Variants in CATSPER3 observed in about 807,000 individuals in gnomAD.
CATSPER3 encodes the protein cation channel sperm-associated protein 3.
A neutral mutation model predicts 36.6 loss-of-function variants in CATSPER3; 23 were observed. The ratio of observed to expected loss-of-function variants is 0.63; its 90% CI spans 0.45 to 0.89. The LOEUF (loss-of-function observed/expected upper bound fraction) is 0.89. CATSPER3 is among the 40% of genes least tolerant of loss of function. The pLI, the probability that CATSPER3 is intolerant of heterozygous loss-of-function variation, is 0.00. For missense variants in CATSPER3, 474 were observed against 503.9 expected, an observed-to-expected ratio of 0.94 and a Z score of 0.57; for synonymous variants, 172 against 184.1, an observed-to-expected ratio of 0.93 and a Z score of 0.53.
intron 2 of CATSPER3, among the ~76,000 whole-genome samples, chr5:134,986,439 T>C (rs7708896): frequency 0.049 from 7,010 of 142,352 alleles, 546 homozygotes; most frequent in African/African-American, 0.17. Flanking sequence ...TCACTGTGCC[T>C]GGCCTTAAAC....
chr5:135,004,140 A>C (rs1752056016), intron 3 of CATSPER3, among the ~76,000 whole-genome samples: 2 of 152,218 alleles, frequency 1.3e-5, no homozygotes, highest in Admixed American at 1.3e-4. Flanking sequence ...ACCCGCATTC[A>C]GTTGCCAAGT....
chr5:134,995,458 G>A (rs1751933409), intron 2 of CATSPER3, among the ~76,000 whole-genome samples: 1 of 152,096 alleles, frequency 6.6e-6, no homozygotes, highest in Admixed American at 6.5e-5. Context: ...AACCTGGCGA[G>A]TCCCTTTATC....
intron 2 of CATSPER3, among the ~76,000 whole-genome samples, chr5:134,991,500 T>G (rs926292088): frequency 1.3e-5 from 2 of 152,124 alleles, no homozygotes; most frequent in African/African-American, 2.4e-5. Context: ...ATATCTATGG[T>G]CAATTGATTT....
chr5:134,989,726 G>A (rs1346090824), intron 2 of CATSPER3, among the ~76,000 whole-genome samples: 6 of 152,144 alleles, frequency 3.9e-5, no homozygotes, highest in South Asian at 2.1e-4. Flanking sequence ...TGAGCAATAG[G>A]GCTGTTTTGC....
chr5:134,991,384 T>C (rs1018741946), intron 2 of CATSPER3, among the ~76,000 whole-genome samples: 4 of 152,220 alleles, frequency 2.6e-5, no homozygotes, highest in African/African-American at 9.6e-5. Flanking sequence ...ACTTTCTGAC[T>C]TCAAAACTTA....
intron 2 of CATSPER3, among the ~76,000 whole-genome samples, chr5:134,994,854 C>T (rs1489394859): frequency 2.0e-5 from 3 of 152,070 alleles, no homozygotes; most frequent in Non-Finnish European, 4.4e-5. Context: ...AAAGTGTTCC[C>T]CCAGTTTTTA....
chr5:134,977,441 A>C (rs1044888615), intron 2 of CATSPER3, among the ~76,000 whole-genome samples: 1 of 152,198 alleles, frequency 6.6e-6, no homozygotes, highest in African/African-American at 2.4e-5. Context: ...GTTCTTTGCT[A>C]AGGGATAACA....
chr5:134,984,245 A>G (rs1423020774), intron 2 of CATSPER3, among the ~76,000 whole-genome samples: 2 of 152,190 alleles, frequency 1.3e-5, no homozygotes, highest in Non-Finnish European at 2.9e-5. Flanking sequence ...TATGATTGAG[A>G]CCCCAAAAGC....
intron 2 of CATSPER3, among the ~76,000 whole-genome samples, chr5:134,991,318 A>C (rs1009613728): frequency 6.6e-6 from 1 of 152,216 alleles, no homozygotes; most frequent in Non-Finnish European, 1.5e-5. Flanking sequence ...GATATGTAAA[A>C]GGCCCCAAAT....
intron 2 of CATSPER3, among the ~76,000 whole-genome samples, chr5:134,981,212 C>G (rs571516185): frequency 6.6e-6 from 1 of 151,768 alleles, no homozygotes; most frequent in South Asian, 2.1e-4. Flanking sequence ...CTCTGTTGGC[C>G]GGGCACAGTG....
At chr5:134,986,108 C>G (rs1366869396) in intron 2 of CATSPER3, among the ~76,000 whole-genome samples, 1 of 151,526 alleles carries the variant, frequency 6.6e-6, no homozygotes, top group Admixed American at 6.6e-5. Flanking sequence ...CAGAGGAAAA[C>G]TACATTTTTC....
intron 3 of CATSPER3, among the ~76,000 whole-genome samples, chr5:135,003,007 C>T (rs556525235): frequency 1.3e-5 from 2 of 152,312 alleles, no homozygotes; most frequent in Non-Finnish European, 2.9e-5. Context: ...GAGCTGCGTT[C>T]CTTTGGAGGG....
At chr5:135,002,618 G>A (rs1425335728) in intron 3 of CATSPER3, among the ~76,000 whole-genome samples, 1 of 152,152 alleles carries the variant, frequency 6.6e-6, no homozygotes, top group African/African-American at 2.4e-5. Context: ...CATAGGTTTG[G>A]TCTTTTCACA....
chr5:135,007,992 C>T lies in CATSPER3; in HGVS notation c.528C>T (p.Thr176=), dbSNP rs1015415058. 14 of 1,614,176 alleles carry T rather than the reference C, an allele frequency of 8.7e-6. No individual in the cohort carries two copies. The East Asian group carries it at 1.1e-4, about 13-fold the overall frequency. Residue 176 remains threonine (T), a synonymous_variant, in exon 4 of 8, where the codon ACC becomes ACT. Coordinates refer to ENST00000282611, the MANE Select transcript of CATSPER3 (RefSeq NM_178019.3). ...CCGCCGTGGGGCAGACAGTCTACACCGTGGCCTCTGTGCTCCTCCTGCTCT... is the reference window on the plus strand; with the variant it reads ...CCGCCGTGGGGCAGACAGTCTACACTGTGGCCTCTGTGCTCCTCCTGCTCT... ...LITAVGQTVY[T]VASVLLLLFL...
intron 3 of CATSPER3, among the ~76,000 whole-genome samples, chr5:135,001,951 A>C (rs979857739): frequency 6.6e-6 from 1 of 152,198 alleles, no homozygotes; most frequent in Non-Finnish European, 1.5e-5. Context: ...TGGAGCATTG[A>C]GCCCATTTAC....
In CATSPER3 at chr5:134,971,121, TTGTA is replaced by T. The variant is rs1261732518; in HGVS notation, c.252+1033_252+1036del. ...CCCGCCACAACGCCCGGCTAATTTT[TTGTA>T]TGTTTAGTAGAGATGGGGTTTCACC... On this transcript the variant is annotated intron_variant, in intron 2 of 7. Coordinates refer to ENST00000282611, the MANE Select transcript of CATSPER3 (RefSeq NM_178019.3). Among the ~76,000 whole-genome samples, 3 of 152,060 alleles carry T rather than the reference TTGTA, an allele frequency of 2.0e-5. No homozygotes were observed. The East Asian group carries it at 5.8e-4, about 29-fold the overall frequency.
At chr5:134,995,548 C>T (rs1046352544) in intron 2 of CATSPER3, 1 of 156,676 alleles carries the variant, frequency 6.4e-6, no homozygotes, top group African/African-American at 2.4e-5. Flanking sequence ...TCTGTCTCTC[C>T]TACTAGACTG....
chr5:134,996,561 C>G, intron 3 of CATSPER3, 49 bp downstream of exon 3: 1 of 1,601,516 alleles, frequency 6.2e-7, no homozygotes, highest in Non-Finnish European at 8.5e-7. Flanking sequence ...GCCGTAGGCC[C>G]ATTTGCCCCC....
chr5:134,982,372 A>C (rs1751760896), intron 2 of CATSPER3, among the ~76,000 whole-genome samples: 1 of 152,192 alleles, frequency 6.6e-6, no homozygotes, highest in Admixed American at 6.5e-5. Flanking sequence ...AGAAGGAGAA[A>C]CATAAAAAGA....
Sources: allele counts gnomAD v4.1 joint callset (sites outside exome capture counted in the v4.1 genomes callset), GRCh38; gene constraint gnomAD v4.1.1; transcripts MANE v1.5; gene names NCBI Gene and HGNC (gene_info 2026-07-23, HGNC 2026-07-21).